ULK4: variants seen among roughly 807,000 people sequenced by gnomAD.
The protein encoded by ULK4 is unc-51 like kinase 4.
A neutral mutation model predicts 160.6 loss-of-function variants in ULK4; 133 were observed. The ratio of observed to expected loss-of-function variants is 0.83; its 90% CI spans 0.72 to 0.96. The LOEUF is 0.96. ULK4 is among the 40% of genes least tolerant of loss of function. The pLI, the probability that ULK4 is intolerant of heterozygous loss-of-function variation, is 0.00. For missense variants in ULK4, 1,580 were observed against 1,499.5 expected, an observed-to-expected ratio of 1.05 and a Z score of -0.89; for synonymous variants, 534 against 539.8, an observed-to-expected ratio of 0.99 and a Z score of 0.15.
intron 5 of ULK4, among the ~76,000 whole-genome samples, chr3:41,929,102 G>A (rs1699489853): frequency 6.6e-6 from 1 of 151,906 alleles, no homozygotes; most frequent in Non-Finnish European, 1.5e-5. Context: ...ATAAAATACT[G>A]GCAAACTGAA....
intron 32 of ULK4, among the ~76,000 whole-genome samples, chr3:41,528,871 TTAA>T (rs202229793): frequency 0.024 from 3,710 of 152,278 alleles, 55 homozygotes; most frequent in Non-Finnish European, 0.036. Flanking sequence ...TACATAACTA[TTAA>T]GTACTGGGCT....
intron 22 of ULK4, among the ~76,000 whole-genome samples, chr3:41,725,145 C>T (rs1006708364): frequency 6.6e-5 from 10 of 152,104 alleles, no homozygotes; most frequent in African/African-American, 2.2e-4. Flanking sequence ...TCTGACAATG[C>T]TTTTGTGTTC....
chr3:41,609,943 C>T (rs2032587182), intron 31 of ULK4, among the ~76,000 whole-genome samples: 1 of 151,034 alleles, frequency 6.6e-6, no homozygotes, highest in Admixed American at 6.6e-5. Flanking sequence ...CACTGCATTC[C>T]AGCCTGGGTG....
chr3:41,581,985 A>G (rs971585727), intron 31 of ULK4, among the ~76,000 whole-genome samples: 11 of 152,164 alleles, frequency 7.2e-5, no homozygotes, highest in African/African-American at 2.7e-4. Flanking sequence ...CCTGGCTAGA[A>G]CTTCTGCAAT....
chr3:41,400,356 C>A (rs1449107072), intron 34 of ULK4, among the ~76,000 whole-genome samples: 1 of 151,956 alleles, frequency 6.6e-6, no homozygotes, highest in Non-Finnish European at 1.5e-5. Context: ...AGAGCCAACA[C>A]CCACTCTCCT....
chr3:41,313,193 G>A (rs1249533948), intron 35 of ULK4, among the ~76,000 whole-genome samples: 2 of 152,090 alleles, frequency 1.3e-5, no homozygotes, highest in Non-Finnish European at 2.9e-5. Context: ...AAAGTAGGAA[G>A]GCATTTAGTG....
intron 29 of ULK4, among the ~76,000 whole-genome samples, chr3:41,666,492 T>C (rs1249698271): frequency 2.6e-5 from 4 of 152,148 alleles, no homozygotes; most frequent in Admixed American, 6.5e-5. Flanking sequence ...GTCATTAAAG[T>C]CAGAAATAAA....
At chr3:41,649,434 C>T (rs946186487) in intron 30 of ULK4, among the ~76,000 whole-genome samples, 24 of 152,288 alleles carry the variant, frequency 1.6e-4, no homozygotes, top group African/African-American at 5.3e-4. Flanking sequence ...CCTGGCACCC[C>T]TGTGCTCTCC....
At chr3:41,509,317 T>C (rs2085493907) in intron 32 of ULK4, among the ~76,000 whole-genome samples, 1 of 152,094 alleles carries the variant, frequency 6.6e-6, no homozygotes, top group Non-Finnish European at 1.5e-5. Context: ...TCCAAGAAGT[T>C]TGGGACTATG....
chr3:41,944,657 G>A (rs1700060105), intron 2 of ULK4, among the ~76,000 whole-genome samples: 1 of 151,992 alleles, frequency 6.6e-6, no homozygotes, highest in African/African-American at 2.4e-5. Context: ...TGCCCAGGCT[G>A]GTTTCAAACT....
At chr3:41,635,690 G>A (rs1228942101) in intron 30 of ULK4, among the ~76,000 whole-genome samples, 1 of 152,120 alleles carries the variant, frequency 6.6e-6, no homozygotes, top group Non-Finnish European at 1.5e-5. Context: ...ACAACTCTAT[G>A]AGGTTAAGCC....
intron 30 of ULK4, among the ~76,000 whole-genome samples, chr3:41,650,961 C>A (rs189588018): frequency 6.6e-6 from 1 of 152,018 alleles, no homozygotes; most frequent in Admixed American, 6.6e-5. Context: ...CTCCTTTGAC[C>A]CCCATATCTC....
intron 25 of ULK4, among the ~76,000 whole-genome samples, chr3:41,706,900 T>TAGAGAGAGAGAG (rs1553637616): frequency 7.3e-6 from 1 of 136,382 alleles, no homozygotes; most frequent in African/African-American, 2.9e-5. Flanking sequence ...TATATATATA[T>TAGAGAGAGAGAG]AGAGAGAGAG....
intron 20 of ULK4, among the ~76,000 whole-genome samples, chr3:41,797,035 A>G (rs922029570): frequency 6.6e-6 from 1 of 152,218 alleles, no homozygotes; most frequent in East Asian, 1.9e-4. Context: ...ATAGTATCAC[A>G]TTACAACCCA....
chr3:41,544,746 G>A (rs1291121154), intron 32 of ULK4, among the ~76,000 whole-genome samples: 5 of 152,184 alleles, frequency 3.3e-5, no homozygotes, highest in Admixed American at 2.0e-4. Context: ...AATGACCTAT[G>A]AGTAGGGTTT....
intron 21 of ULK4, among the ~76,000 whole-genome samples, chr3:41,755,033 C>A (rs1176120225): frequency 6.6e-6 from 1 of 152,168 alleles, no homozygotes; most frequent in African/African-American, 2.4e-5. Context: ...ACACAGAGGA[C>A]TAAGTATTGA....
chr3:41,736,192 T>C (rs1464398274), intron 22 of ULK4, among the ~76,000 whole-genome samples: 1 of 151,828 alleles, frequency 6.6e-6, no homozygotes, highest in East Asian at 1.9e-4. Flanking sequence ...TTTATAATCC[T>C]TTGGGTATAT....
intron 35 of ULK4, among the ~76,000 whole-genome samples, chr3:41,339,670 C>T (rs887490485): frequency 6.6e-6 from 1 of 152,202 alleles, no homozygotes; most frequent in Non-Finnish European, 1.5e-5. Flanking sequence ...ACAAAACAAT[C>T]TCACCTGCTT....
intron 35 of ULK4, among the ~76,000 whole-genome samples, chr3:41,356,773 A>C (rs1310056873): frequency 6.6e-6 from 1 of 152,214 alleles, no homozygotes; most frequent in African/African-American, 2.4e-5. Context: ...AAACCAGGCA[A>C]AGCCCATCAG....
Sources: gnomAD v4.1 joint callset for allele counts (sites outside exome capture counted in the v4.1 genomes callset) on GRCh38, gnomAD v4.1.1 for gene constraint, MANE v1.5 for transcripts, NCBI Gene and HGNC (gene_info 2026-07-23, HGNC 2026-07-21) for gene names.